C11orf24: variants seen among roughly 807,000 people sequenced by gnomAD.
C11orf24 encodes chromosome 11 open reading frame 24.
In C11orf24, 5 loss-of-function variants were observed where a neutral mutation model predicts 7.3. The ratio of observed to expected loss-of-function variants is 0.69; its 90% CI spans 0.36 to 1.45. The LOEUF (loss-of-function observed/expected upper bound fraction) is 1.45, where lower values mean the gene tolerates loss of function less well. Among genes scored for constraint, C11orf24 ranks in the 40% most tolerant of loss-of-function variants. The pLI is 0.03. For missense variants in C11orf24, 566 were observed against 590.5 expected (o/e 0.96, Z 0.43); for synonymous variants, 233 against 235.7 (o/e 0.99, Z 0.11).
chr11:68,267,331 C>G (rs1256959124), intron 2 of C11orf24: 1 of 152,292 alleles, frequency 6.6e-6, no homozygotes, highest in South Asian at 2.1e-4. Flanking sequence ...TGAGAGGGGA[C>G]AGCCTTTCAT....
rs148189922 is a variant in C11orf24, at chr11:68,265,708, C to T, written c.-99-1842G>A. Among the ~76,000 whole-genome samples the T allele has an allele frequency of 6.1e-3, 931 of 152,266 alleles. 4 individuals carry two copies. Among genetic ancestry groups the T allele is most frequent in the Middle Eastern group, 0.01 (3 of 294 alleles). ...TTGCTATGTTGCCCAGGGTGGTCTC[C>T]AGCTCCTCGGCTGAAGCAATCTTCC... On this transcript the variant is annotated intron_variant, in intron 2 of 3. Coordinates refer to ENST00000304271, the MANE Select transcript of C11orf24 (RefSeq NM_022338.4).
chr11:68,261,786 C>G lies in C11orf24; in HGVS notation c.1209G>C (p.Leu403=), dbSNP rs754266781. The G allele has an allele frequency of 1.2e-6, 2 of 1,614,220 alleles. No homozygotes were observed. Among genetic ancestry groups the G allele is most frequent in the South Asian group, 2.2e-5 (2 of 91,088 alleles). The change falls in exon 4 of 4, where the codon CTG becomes CTC. Residue 403 remains leucine (L), a synonymous_variant. Transcript: ENST00000304271. The stretch of plus-strand genomic sequence containing the variant: ...GGGTCACCCCGAGTAACAGCACCAC[C>G]AGAAGGAGAGTTTTGTCTACCACGG... ...TQAVVDKTLL[L]VVLLLGVTLF... is the part of the protein sequence containing the mutation.
rs1565289673 is a variant in C11orf24, at chr11:68,262,537, C to G, written c.458G>C (p.Ser153Thr). 1 of 1,610,882 alleles carries G rather than the reference C, an allele frequency of 6.2e-7. No individual in the cohort carries two copies. ...GGGAGTGCTGGAGGCCGCAGTCATA[C>G]TGGAGGCTGCAGTCGTGGGAGCAAT... Reference protein sequence around the residue: ...ASIAPTTAASSMTAASSTPMT... With the variant: ...ASIAPTTAASTMTAASSTPMT... The change falls in exon 4 of 4, where the codon AGT becomes ACT. Residue 153 changes from serine (S) to threonine (T), a missense_variant. Coordinates refer to ENST00000304271, the MANE Select transcript of C11orf24 (RefSeq NM_022338.4).
At position 68,262,415 on chromosome 11, in the gene C11orf24, G is replaced by C. The variant is rs766449523; in HGVS notation, c.580C>G (p.Gln194Glu). The C allele has an allele frequency of 2.5e-6, 4 of 1,614,206 alleles. No homozygotes were observed. The East Asian group carries it at 8.9e-5, about 36-fold the overall frequency. Residue 194 changes from glutamine to glutamate, a missense_variant, in exon 4 of 4, where the codon CAA (glutamine) becomes GAA (glutamate). Gln to Glu is a conservative substitution (Grantham distance 29). Transcript: ENST00000304271. ...GGCAACGCGCTGCTCTTTGGCACTTGTGCGAGGGCTGTGCTGAGAGATGGA... is the reference window on the plus strand; with the variant it reads ...GGCAACGCGCTGCTCTTTGGCACTTCTGCGAGGGCTGTGCTGAGAGATGGA... ...GHPSLSTALA[Q>E]VPKSSALPRT...
rs754312509 is a variant in C11orf24 at position 68,262,657 on chromosome 11, C to A, written c.338G>T (p.Ser113Ile). The A allele has an allele frequency of 1.9e-6, 3 of 1,614,046 alleles. No individual in the cohort carries two copies. The highest frequency in any genetic ancestry group is 2.2e-5 in the East Asian group (1 of 44,880). ...TSIAPTAVASSTTAASITTAA... is the reference protein window; with the variant it reads ...TSIAPTAVASITTAASITTAA... ...AGTCGTAATGGAGGCCGCAGTCGTA[C>A]TGGAGGCCACAGCCGTGGGAGCAAT... is the stretch of plus-strand genomic sequence containing the variant. The change falls in exon 4 of 4, where the codon AGT becomes ATT. Residue 113 changes from serine to isoleucine, a missense_variant. Physicochemically the swap from Ser to Ile is moderately radical, Grantham distance 142. Coordinates refer to ENST00000304271, the MANE Select transcript of C11orf24 (RefSeq NM_022338.4).
Position 68,261,721 on chromosome 11 carries a change from T to C in C11orf24, c.1274A>G (p.Tyr425Cys). ...TVLVLFALQA[Y>C]ESYKKKDYTQ... ...GTAGTCCTTCTTCTTGTAGCTCTCATAGGCCTGCAGGGCAAACAAAACCAA... is the reference window on the plus strand; with the variant it reads ...GTAGTCCTTCTTCTTGTAGCTCTCACAGGCCTGCAGGGCAAACAAAACCAA... Residue 425 changes from tyrosine (Y) to cysteine (C), a missense_variant, in exon 4 of 4, where the codon TAT (tyrosine) becomes TGT (cysteine). Physicochemically the swap from Tyr to Cys is radical, Grantham distance 194. Transcript: ENST00000304271. The C allele has an allele frequency of 2.5e-6, 4 of 1,614,180 alleles. No individual in the cohort carries two copies. Among genetic ancestry groups the C allele is most frequent in the South Asian group, 2.2e-5 (2 of 91,080 alleles).
chr11:68,262,946 G>C lies in C11orf24; in HGVS notation c.77-28C>G, dbSNP rs770104376. 3.1e-6 allele frequency: 5 copies of C among 1,602,056 alleles called. No individual in the cohort carries two copies. The South Asian group carries it at 5.5e-5, about 18-fold the overall frequency. On this transcript the variant is annotated intron_variant, in intron 3 of 3. Coordinates refer to ENST00000304271, the MANE Select transcript of C11orf24 (RefSeq NM_022338.4). ...TAAAGTCAGAAAAAGGAGAAAAAGA[G>C]AGACAATCATGTTCAATCCTGCACA...
chr11:68,263,682 T>C lies in C11orf24; in HGVS notation c.76+10A>G. 6.2e-7 allele frequency: 1 copy of C among 1,612,876 alleles called. No homozygotes were observed. Among genetic ancestry groups the C allele is most frequent in the Non-Finnish European group, 8.5e-7 (1 of 1,179,500 alleles). On this transcript the variant is annotated intron_variant, in intron 3 of 3. Coordinates refer to ENST00000304271, the MANE Select transcript of C11orf24 (RefSeq NM_022338.4). Reference sequence around the variant, plus strand: ...GGCCCATCCAGCAGTCACACAGCTTTCTCACTTACGTGGATCGTTGGATGC... The same window carrying C: ...GGCCCATCCAGCAGTCACACAGCTTCCTCACTTACGTGGATCGTTGGATGC...
At chr11:68,263,542 G>C (rs1479252493) in intron 3 of C11orf24, 150 bp downstream of exon 3, 13 of 659,712 alleles carry the variant, frequency 2.0e-5, no homozygotes, top group Non-Finnish European at 3.3e-5. Context: ...GAGAAGGAAG[G>C]TTGGCCTGAC....
At chr11:68,268,561 GGGCA>G (rs1408809606) in intron 1 of C11orf24, among the ~76,000 whole-genome samples, 27 of 152,254 alleles carry the variant, frequency 1.8e-4, no homozygotes, top group African/African-American at 6.3e-4. Context: ...GCGTGGTGGT[GGGCA>G]CCTGTAATCC....
At position 68,262,338 on chromosome 11, in the gene C11orf24, G is replaced by A; in HGVS notation, c.657C>T (p.Thr219=). The A allele has an allele frequency of 1.9e-6, 3 of 1,614,070 alleles. No individual in the cohort carries two copies. The highest frequency in any genetic ancestry group is 2.5e-6 in the Non-Finnish European group (3 of 1,179,974). ...TLATRAQTVA[T]TANTSSPMST... ...TCATGGGGCTGCTTGTGTTTGCTGT[G>A]GTCGCTACAGTCTGAGCACGTGTGG... The change falls in exon 4 of 4, where the codon ACC becomes ACT. Residue 219 remains threonine, a synonymous_variant. Coordinates refer to ENST00000304271, the MANE Select transcript of C11orf24 (RefSeq NM_022338.4).
rs755161761 is a variant in C11orf24, at chr11:68,262,366, A to C, written c.629T>G (p.Leu210Trp). The change falls in exon 4 of 4, where the codon TTG becomes TGG. Residue 210 changes from leucine (L) to tryptophan (W), a missense_variant. Leu to Trp is a moderately conservative substitution (Grantham distance 61). Coordinates refer to ENST00000304271, the MANE Select transcript of C11orf24 (RefSeq NM_022338.4). The part of the protein sequence containing the change: ...ALPRTATLAT[L>W]ATRAQTVATT... ...CGCTACAGTCTGAGCACGTGTGGCCAATGTGGCCAGGGTTGCTGTTCTTGG... is the reference window on the plus strand; with the variant it reads ...CGCTACAGTCTGAGCACGTGTGGCCCATGTGGCCAGGGTTGCTGTTCTTGG... 1.2e-5 allele frequency: 20 copies of C among 1,613,992 alleles called. No homozygotes were observed. The highest frequency in any genetic ancestry group is 1.7e-5 in the Non-Finnish European group (20 of 1,180,016).
At position 68,262,164 on chromosome 11, in the gene C11orf24, G is replaced by C; in HGVS notation, c.831C>G (p.Pro277=). 6.2e-7 allele frequency: 1 copy of C among 1,614,082 alleles called. No individual in the cohort carries two copies. The highest frequency in any genetic ancestry group is 1.1e-5 in the South Asian group (1 of 91,074). The change falls in exon 4 of 4, where the codon CCC becomes CCG. Residue 277 remains proline, a synonymous_variant. Transcript: ENST00000304271. ...VNTTNKSTPM[P]SNTTPEPAPT... ...GGGCGGGCTCTGGGGTTGTGTTTGA[G>C]GGCATGGGTGTGGATTTATTTGTTG...
Position 68,262,488 on chromosome 11 carries a change from G to A in C11orf24, c.507C>T (p.Pro169=), listed in dbSNP as rs1363270337. Residue 169 remains proline, a synonymous_variant, in exon 4 of 4, where the codon CCC becomes CCT. Coordinates refer to ENST00000304271, the MANE Select transcript of C11orf24 (RefSeq NM_022338.4). The part of the protein sequence containing the change: ...STPMTLALPA[P]TSTSTGRTPS... ...GGGTCCGCCCTGTGGAAGTGGACGT[G>A]GGCGCGGGGAGTGCAAGTGTCATGG... The A allele has an allele frequency of 1.2e-6, 2 of 1,614,004 alleles. No homozygotes were observed. Among genetic ancestry groups the A allele is most frequent in the Admixed American group, 3.3e-5 (2 of 59,994 alleles).
intron 2 of C11orf24, among the ~76,000 whole-genome samples, chr11:68,266,332 G>C (rs2098565115): frequency 6.6e-6 from 1 of 152,226 alleles, no homozygotes; most frequent in African/African-American, 2.4e-5. Context: ...AAGCCCCTGG[G>C]TGGCTTCCTG....
chr11:68,262,054 A>G lies in C11orf24; in HGVS notation c.941T>C (p.Ile314Thr). The G allele has an allele frequency of 7.0e-7, 1 of 1,431,566 alleles. No homozygotes were observed. The highest frequency in any genetic ancestry group is 1.1e-5 in the South Asian group (1 of 88,794). 88.7% of individuals were successfully genotyped at this position (1,431,566 alleles called of 1,614,324 possible). A position where few individuals can be genotyped will look rare whatever the true frequency, so the allele number is the denominator to read the frequency against. Residue 314 changes from isoleucine (I) to threonine (T), a missense_variant, in exon 4 of 4, where the codon ATC (isoleucine) becomes ACC (threonine). By Grantham distance (89) the Ile-to-Thr change is moderately conservative (BLOSUM62 -1). Coordinates refer to ENST00000304271, the MANE Select transcript of C11orf24 (RefSeq NM_022338.4). ...SPVPVPHTSP[I>T]PEMEAMSPTT... ...GGGGGACATGGCCTCCATCTCAGGG[A>G]TTGGGCTGGTGTGAGGTACTGGCAC...
At chr11:68,271,555 TTC>T (rs1210547317) in intron 1 of C11orf24, 1 of 152,564 alleles carries the variant, frequency 6.6e-6, no homozygotes, top group African/African-American at 2.4e-5. Flanking sequence ...AGCCGGCCTC[TTC>T]TCCAGTCTGG....
intron 2 of C11orf24, among the ~76,000 whole-genome samples, chr11:68,264,629 T>C (rs1361721976): frequency 6.3e-4 from 37 of 58,270 alleles, no homozygotes; most frequent in Non-Finnish European, 8.9e-4. Flanking sequence ...CATCCACCCA[T>C]CCATCCACCC....
chr11:68,270,622 C>CT (rs542422498), intron 1 of C11orf24, among the ~76,000 whole-genome samples: 1 of 150,842 alleles, frequency 6.6e-6, no homozygotes, highest in Admixed American at 6.6e-5. Flanking sequence ...TAACTTAATT[C>CT]TTTTTTTCTG....
Sources: gnomAD v4.1 joint callset for allele counts (sites outside exome capture counted in the v4.1 genomes callset) on GRCh38, gnomAD v4.1.1 for gene constraint, MANE v1.5 for transcripts, NCBI Gene and HGNC (gene_info 2026-07-23, HGNC 2026-07-21) for gene names.